TCEA3: variants seen among roughly 807,000 people sequenced by gnomAD.
The protein encoded by TCEA3 is transcription elongation factor A protein 3.
TCEA3 carries 36 observed loss-of-function variants against 44.0 expected under a neutral mutation model. The ratio of observed to expected loss-of-function variants is 0.82; its 90% CI spans 0.63 to 1.08. The LOEUF is 1.08. TCEA3 is among the 50% of genes least tolerant of loss of function. TCEA3 has a pLI of 0.00. For synonymous variants in TCEA3, 162 were observed against 159.7 expected, an observed-to-expected ratio of 1.01 and a Z score of -0.11; for missense variants, 392 against 441.2, an observed-to-expected ratio of 0.89 and a Z score of 1.00.
Position 23,424,721 on chromosome 1 carries a change from A to C in TCEA3, c.-88T>G. 1 of 1,006,880 alleles carries C rather than the reference A, an allele frequency of 9.9e-7. No individual in the cohort carries two copies. The highest frequency in any genetic ancestry group is 1.5e-6 in the Non-Finnish European group (1 of 679,234). 62.4% of individuals were successfully genotyped at this position (1,006,880 alleles called of 1,614,324 possible). Reference sequence around the variant, plus strand: ...GAGGCGCGAAGGCGGAGGGCGCGCAACCCGCGCGGGCCCCAAACACACACG... The same window carrying C: ...GAGGCGCGAAGGCGGAGGGCGCGCACCCCGCGCGGGCCCCAAACACACACG... On this transcript the variant is annotated 5_prime_UTR_variant, in exon 1 of 11. Transcript: ENST00000450454.
intron 5 of TCEA3, 77 bp from the exon 6 acceptor site, chr1:23,398,032 G>C (rs1279200249): frequency 2.0e-6 from 3 of 1,530,714 alleles, no homozygotes; most frequent in Non-Finnish European, 2.7e-6. Flanking sequence ...TAGATGTCTT[G>C]ATGGATGATC....
chr1:23,388,084 C>G (rs930069929), intron 8 of TCEA3, among the ~76,000 whole-genome samples: 1 of 152,148 alleles, frequency 6.6e-6, no homozygotes, highest in African/African-American at 2.4e-5. Flanking sequence ...ATCTCCCTGG[C>G]CACTTGTCTC....
chr1:23,399,084 TC>T (rs1309810834), intron 5 of TCEA3, among the ~76,000 whole-genome samples: 1 of 146,964 alleles, frequency 6.8e-6, no homozygotes, highest in Non-Finnish European at 1.5e-5. Flanking sequence ...TATGCTATAA[TC>T]TATGATGTAC....
intron 5 of TCEA3, among the ~76,000 whole-genome samples, chr1:23,400,732 A>G (rs974757472): frequency 6.6e-6 from 1 of 152,126 alleles, no homozygotes; most frequent in African/African-American, 2.4e-5. Context: ...CTGGAGTGAA[A>G]TTAAGACCCA....
rs1638760232 is a variant in TCEA3, at chr1:23,384,363, A to G, written c.1021T>C (p.Cys341Arg). ...PMTTFVLCNECGNRWKFC is the reference protein window; with the variant it reads ...PMTTFVLCNERGNRWKFC ...ATACAGACCTTCCAGCGATTGCCAC[A>G]TTCATTGCATAAGACAAAGGTAGTC... Residue 341 changes from cysteine to arginine, a missense_variant, in exon 10 of 11, where the codon TGT becomes CGT. By Grantham distance (180) the Cys-to-Arg change is radical. Coordinates refer to ENST00000450454, the MANE Select transcript of TCEA3 (RefSeq NM_003196.3). The G allele has an allele frequency of 2.5e-6, 4 of 1,613,878 alleles. No homozygotes were observed. The highest frequency in any genetic ancestry group is 3.4e-6 in the Non-Finnish European group (4 of 1,179,894).
chr1:23,417,956 C>T lies in TCEA3; in HGVS notation c.186G>A (p.Lys62=), dbSNP rs779691150. 12 of 1,613,980 alleles carry T rather than the reference C, an allele frequency of 7.4e-6. No individual in the cohort carries two copies. In the African/African-American group the frequency reaches 1.6e-4, roughly 22 times the overall value. ...GGACTTTGGCCAAGGACACCACCTC[C>T]TTGTCTGAGCAGTGCTTGCGGACCC... ...VNGVRKHCSD[K]EVVSLAKVLI... is the part of the protein sequence containing the mutation. The change falls in exon 3 of 11, where the codon AAG becomes AAA. Residue 62 remains lysine, a synonymous_variant. Transcript: ENST00000450454.
chr1:23,391,349 C>T (rs1310527584), intron 8 of TCEA3, among the ~76,000 whole-genome samples: 2 of 151,616 alleles, frequency 1.3e-5, no homozygotes, highest in African/African-American at 2.4e-5. Flanking sequence ...CTGCCCACCT[C>T]GGCCTCCCAA....
Position 23,393,943 on chromosome 1 carries a change from C to G in TCEA3, c.755G>C (p.Gly252Ala). Residue 252 changes from glycine (G) to alanine (A), a missense_variant, in exon 8 of 11, where the codon GGC becomes GCC. Gly to Ala is a moderately conservative substitution (Grantham distance 60). Coordinates refer to ENST00000450454, the MANE Select transcript of TCEA3 (RefSeq NM_003196.3). ...ISNLKDPRNPGLRRNVLSGAI... is the reference protein window; with the variant it reads ...ISNLKDPRNPALRRNVLSGAI... ...CCCACTGAGCACGTTCCGCCGCAGG[C>G]CGGGGTTCCTGGGGTCCTTGAGGTT... is the stretch of plus-strand genomic sequence containing the variant. 1 of 1,614,010 alleles carries G rather than the reference C, an allele frequency of 6.2e-7. No homozygotes were observed. The highest frequency in any genetic ancestry group is 1.3e-5 in the African/African-American group (1 of 75,066).
intron 10 of TCEA3, 96 bp downstream of exon 10, chr1:23,384,250 A>C (rs1481337747): frequency 6.2e-7 from 1 of 1,603,980 alleles, no homozygotes; most frequent in South Asian, 1.1e-5. Flanking sequence ...AAGTGCTGCC[A>C]TGCACAAGGC....
intron 4 of TCEA3, among the ~76,000 whole-genome samples, chr1:23,410,529 G>A (rs1028929243): frequency 4.6e-5 from 7 of 151,952 alleles, no homozygotes; most frequent in African/African-American, 1.4e-4. Context: ...CCAGCTGGGC[G>A]CAGTGGCTCA....
Position 23,407,443 on chromosome 1 carries a change from C to T in TCEA3, c.443+1221G>A, listed in dbSNP as rs1471215414. Among the ~76,000 whole-genome samples the T allele has an allele frequency of 3.9e-5, 6 of 152,056 alleles. No homozygotes were observed. The East Asian group carries it at 1.2e-3, about 29-fold the overall frequency. ...CAATAGCTCCAGCTTTACTCATTCC[C>T]CCAACCCTCCCCTTCGCTTAAACTG... is the stretch of plus-strand genomic sequence containing the variant. On this transcript the variant is annotated intron_variant, in intron 5 of 10. Coordinates refer to ENST00000450454, the MANE Select transcript of TCEA3 (RefSeq NM_003196.3).
At chr1:23,413,072 A>G (rs1639781249) in intron 4 of TCEA3, among the ~76,000 whole-genome samples, 1 of 152,234 alleles carries the variant, frequency 6.6e-6, no homozygotes, top group African/African-American at 2.4e-5. Context: ...TTAGTGTCCC[A>G]GGAAAATGTA....
chr1:23,417,867 G>A, intron 3 of TCEA3, 37 bp downstream of exon 3: 1 of 1,600,792 alleles, frequency 6.2e-7, no homozygotes, highest in Non-Finnish European at 8.6e-7. Context: ...AGTGCTAGGA[G>A]AAAAACAGGG....
chr1:23,424,651 G>A lies in TCEA3; in HGVS notation c.-18C>T. The A allele has an allele frequency of 1.3e-6, 2 of 1,598,810 alleles. No individual in the cohort carries two copies. Among genetic ancestry groups the A allele is most frequent in the Non-Finnish European group, 1.7e-6 (2 of 1,175,648 alleles). ...TGGCCCATGTTGGCCCGCGACGCCC[G>A]GCGGGGCGAGGGGCACAGGGGCAGC... is the stretch of plus-strand genomic sequence containing the variant. On this transcript the variant is annotated 5_prime_UTR_variant, in exon 1 of 11. Transcript: ENST00000450454.
chr1:23,391,720 T>C (rs983236621), intron 8 of TCEA3, among the ~76,000 whole-genome samples: 2 of 151,884 alleles, frequency 1.3e-5, no homozygotes, highest in Non-Finnish European at 2.9e-5. Context: ...GTCAGGAGTT[T>C]GAGACCAGCC....
intron 5 of TCEA3, chr1:23,403,678 T>C (rs768787004): frequency 4.9e-5 from 8 of 163,188 alleles, no homozygotes; most frequent in Non-Finnish European, 1.1e-4. Context: ...TCCATCCAAC[T>C]AGCAAAGGGT....
At chr1:23,388,989 T>C (rs1638937926) in intron 8 of TCEA3, among the ~76,000 whole-genome samples, 2 of 152,200 alleles carry the variant, frequency 1.3e-5, no homozygotes, top group African/African-American at 4.8e-5. Context: ...GGCCAGAATA[T>C]GCATTTTCAC....
chr1:23,386,790 G>A (rs549368395), intron 9 of TCEA3, among the ~76,000 whole-genome samples: 7 of 152,070 alleles, frequency 4.6e-5, no homozygotes, highest in South Asian at 2.1e-4. Context: ...GCATGATCTC[G>A]GTTCACTGCA....
rs566930637 is a variant in TCEA3, at chr1:23,397,830, T to G, written c.569A>C (p.Lys190Thr). ...CYLTGDSVRD[K>T]CVEMLSAALK... ...GGCTGCTGACAGCATCTCCACACAC[T>G]TGTCCCGGACAGAGTCCCCTGTGAG... Residue 190 changes from lysine (K) to threonine (T), a missense_variant, in exon 6 of 11, where the codon AAG (lysine) becomes ACG (threonine). Coordinates refer to ENST00000450454, the MANE Select transcript of TCEA3 (RefSeq NM_003196.3). The G allele has an allele frequency of 6.2e-7, 1 of 1,613,920 alleles. No homozygotes were observed. Among genetic ancestry groups the G allele is most frequent in the Non-Finnish European group, 8.5e-7 (1 of 1,179,888 alleles).
Sources: allele counts gnomAD v4.1 joint callset (sites outside exome capture counted in the v4.1 genomes callset), GRCh38; gene constraint gnomAD v4.1.1; transcripts MANE v1.5; gene names NCBI Gene and HGNC (gene_info 2026-07-23, HGNC 2026-07-21).